Variants in TMCO6 observed in about 807,000 individuals in gnomAD.
TMCO6 encodes the protein transmembrane and coiled-coil domains 6.
In TMCO6, 47 loss-of-function variants were observed where a neutral mutation model predicts 61.8. The observed-to-expected ratio is 0.76, with a 90% CI of 0.60 to 0.97. The LOEUF (loss-of-function observed/expected upper bound fraction) is 0.97, where lower values mean the gene tolerates loss of function less well. Among genes scored for constraint, TMCO6 ranks in the 50% least tolerant of loss-of-function variants. The pLI, the probability that TMCO6 is intolerant of heterozygous loss-of-function variation, is 0.00. For synonymous variants in TMCO6, 261 were observed against 254.2 expected, an observed-to-expected ratio of 1.03 and a Z score of -0.25; for missense variants, 557 against 601.6, an observed-to-expected ratio of 0.93 and a Z score of 0.78.
Position 140,643,979 on chromosome 5 carries a change from A to G in TMCO6, c.1105+13A>G, listed in dbSNP as rs1465743539. 2 of 1,613,948 alleles carry G rather than the reference A, an allele frequency of 1.2e-6. No homozygotes were observed. The highest frequency in any genetic ancestry group is 2.7e-5 in the African/African-American group (2 of 74,924). Reference sequence around the variant, plus strand: ...AACAACCTCACTGGTACGCACCATAATCTGCCCAGGCCTGGACATTTGGAT... The same window carrying G: ...AACAACCTCACTGGTACGCACCATAGTCTGCCCAGGCCTGGACATTTGGAT... On this transcript the variant is annotated intron_variant, in intron 9 of 11. Transcript: ENST00000394671.
chr5:140,598,009 G>C, the TMCO6 span, among the ~76,000 whole-genome samples: 1 of 152,124 alleles, frequency 6.6e-6, no homozygotes, highest in African/African-American at 2.4e-5. Context: ...GAATCATATA[G>C]TCATACCAAC....
the TMCO6 span, among the ~76,000 whole-genome samples, chr5:140,622,200 C>A: frequency 2.0e-5 from 3 of 152,156 alleles, no homozygotes; most frequent in African/African-American, 7.2e-5. Context: ...CCCCTGGACA[C>A]CCAGCTTTAA....
Position 140,641,656 on chromosome 5 carries a change from G to T in TMCO6, c.199-9G>T. On this transcript the variant is annotated splice_polypyrimidine_tract_variant and intron_variant, in intron 2 of 11. Transcript: ENST00000394671. ...CCGTGTGTTCTCCTTTCCCTGCCCTGAACTCCAGGTGCAGCAGTTCCTGCG... is the reference window on the plus strand; with the variant it reads ...CCGTGTGTTCTCCTTTCCCTGCCCTTAACTCCAGGTGCAGCAGTTCCTGCG... The T allele has an allele frequency of 6.2e-7, 1 of 1,612,898 alleles. No individual in the cohort carries two copies. The highest frequency in any genetic ancestry group is 1.1e-5 in the South Asian group (1 of 91,004).
downstream of TMCO6, chr5:140,647,679 GA>G: frequency 6.7e-7 from 1 of 1,488,354 alleles, no homozygotes; most frequent in Non-Finnish European, 9.2e-7. Flanking sequence ...TAGGCTGCAT[GA>G]GGCAGGGGCG....
At chr5:140,622,084 C>G in the TMCO6 span, among the ~76,000 whole-genome samples, 1 of 152,106 alleles carries the variant, frequency 6.6e-6, no homozygotes. Flanking sequence ...ATGTCTGTGA[C>G]CCACACCTAT....
chr5:140,612,483 GCGCC>G, the TMCO6 span, among the ~76,000 whole-genome samples: 94 of 152,192 alleles, frequency 6.2e-4, no homozygotes, highest in South Asian at 1.2e-3. Context: ...GGGACTATAG[GCGCC>G]CGCCACGGCG....
chr5:140,598,164 T>C, the TMCO6 span, among the ~76,000 whole-genome samples: 1 of 151,788 alleles, frequency 6.6e-6, no homozygotes, highest in Non-Finnish European at 1.5e-5. Flanking sequence ...CTTTATCCCC[T>C]CCCCCATTTT....
chr5:140,601,078 C>T, the TMCO6 span, among the ~76,000 whole-genome samples: 2 of 152,208 alleles, frequency 1.3e-5, no homozygotes, highest in Non-Finnish European at 2.9e-5. Flanking sequence ...ACAACCCCTT[C>T]ACATAAATCC....
upstream of TMCO6, chr5:140,639,054 A>C (rs1756855209): frequency 6.1e-6 from 1 of 165,254 alleles, no homozygotes. Flanking sequence ...TTGACAATTC[A>C]ATGACGCTTC....
At chr5:140,647,440 C>A, downstream of TMCO6, 2 of 1,607,898 alleles carry the variant, frequency 1.2e-6, no homozygotes, top group South Asian at 2.2e-5. Flanking sequence ...GGTCGTGACC[C>A]TGGCGTCCCG....
the TMCO6 span, among the ~76,000 whole-genome samples, chr5:140,617,031 A>G: frequency 6.6e-6 from 1 of 152,022 alleles, no homozygotes; most frequent in Non-Finnish European, 1.5e-5. Flanking sequence ...CTACGAAGCC[A>G]AACCGTCTCA....
At chr5:140,613,404 A>C in the TMCO6 span, among the ~76,000 whole-genome samples, 9 of 150,870 alleles carry the variant, frequency 6.0e-5, no homozygotes, top group African/African-American at 2.2e-4. Flanking sequence ...AAAAAAAAAA[A>C]AAAAAAAAAA....
chr5:140,619,540 G>A, the TMCO6 span, among the ~76,000 whole-genome samples: 2 of 151,990 alleles, frequency 1.3e-5, no homozygotes, highest in Non-Finnish European at 2.9e-5. Flanking sequence ...AGCAGACTTG[G>A]GGGGTATGCC....
intron 2 of TMCO6, among the ~76,000 whole-genome samples, chr5:140,640,692 C>T (rs770437804): frequency 1.3e-5 from 2 of 152,170 alleles, no homozygotes; most frequent in African/African-American, 2.4e-5. Context: ...CCACTGTGCC[C>T]GGCCACCTAC....
chr5:140,596,760 C>G, the TMCO6 span, among the ~76,000 whole-genome samples: 1 of 152,142 alleles, frequency 6.6e-6, no homozygotes, highest in African/African-American at 2.4e-5. Flanking sequence ...GGGCTGCTAT[C>G]CAGGGTCCCT....
chr5:140,624,733 G>A, the TMCO6 span, among the ~76,000 whole-genome samples: 9 of 151,198 alleles, frequency 6.0e-5, no homozygotes, highest in Non-Finnish European at 4.4e-5. Flanking sequence ...TTGCCATATT[G>A]GCCAGGCTGG....
the TMCO6 span, among the ~76,000 whole-genome samples, chr5:140,631,193 C>T: frequency 6.6e-6 from 1 of 152,104 alleles, no homozygotes; most frequent in Non-Finnish European, 1.5e-5. Flanking sequence ...GGGAGTGACA[C>T]AGTGAAAGCC....
rs758448668 is a variant in TMCO6 at position 140,642,346 on chromosome 5, T to C, written c.530T>C (p.Ile177Thr). 4 of 1,613,824 alleles carry C rather than the reference T, an allele frequency of 2.5e-6. No homozygotes were observed. Among genetic ancestry groups the C allele is most frequent in the Non-Finnish European group, 1.7e-6 (2 of 1,179,834 alleles). The change falls in exon 5 of 12, where the codon ATC (isoleucine) becomes ACC (threonine). Residue 177 changes from isoleucine (I) to threonine (T), a missense_variant. Ile to Thr is a moderately conservative substitution (Grantham distance 89, BLOSUM62 -1). Coordinates refer to ENST00000394671, the MANE Select transcript of TMCO6 (RefSeq NM_018502.5). The stretch of plus-strand genomic sequence containing the variant: ...TGTCTGTATACACTGGGTAACCTGA[T>C]CGTGGAGAGTGAGGCTGTGAGAAGG... ...ELCLYTLGNL[I>T]VESEAVRRQL...
downstream of TMCO6, among the ~76,000 whole-genome samples, chr5:140,646,384 C>T (rs1757401867): frequency 2.0e-5 from 3 of 152,152 alleles, no homozygotes; most frequent in South Asian, 6.2e-4. Flanking sequence ...TTACTCGTGT[C>T]TATCTCCTCC....
Sources: gnomAD v4.1 joint callset for allele counts (sites outside exome capture counted in the v4.1 genomes callset) on GRCh38, gnomAD v4.1.1 for gene constraint, MANE v1.5 for transcripts, NCBI Gene and HGNC (gene_info 2026-07-23, HGNC 2026-07-21) for gene names.